The following MSI2 variants were observed in gnomAD, a reference collection of about 807,000 sequenced individuals.
MSI2 encodes the protein musashi RNA binding protein 2.
A neutral mutation model predicts 45.6 loss-of-function variants in MSI2; 17 were observed. The observed-to-expected ratio is 0.37, with a 90% confidence interval of 0.26 to 0.56. MSI2 has a LOEUF of 0.56. Among genes scored for constraint, MSI2 ranks in the 20% least tolerant of loss-of-function variants. The pLI, the probability that MSI2 is intolerant of heterozygous loss-of-function variation, is 0.77. For synonymous variants in MSI2, 156 were observed against 158.2 expected (o/e 0.99, Z 0.11); for missense variants, 293 against 444.2 (o/e 0.66, Z 3.06).
chr17:57,592,995 C>G (rs1904971942), intron 7 of MSI2, among the ~76,000 whole-genome samples: 1 of 152,140 alleles, frequency 6.6e-6, no homozygotes, highest in Non-Finnish European at 1.5e-5. Flanking sequence ...TTTACTCTGG[C>G]CTGTATTCTA....
At chr17:57,566,110 T>C (rs2087725340) in intron 7 of MSI2, 1 of 152,132 alleles carries the variant, frequency 6.6e-6, no homozygotes, top group South Asian at 2.1e-4. Context: ...TTGGGTTTTC[T>C]CCTCATTTGG....
chr17:57,472,337 G>A (rs938012862), intron 6 of MSI2, among the ~76,000 whole-genome samples: 1 of 152,180 alleles, frequency 6.6e-6, no homozygotes, highest in Non-Finnish European at 1.5e-5. Context: ...GAGCTCAGGG[G>A]CTGTGGCCCT....
At position 57,646,993 on chromosome 17, in the gene MSI2, TAGGGTCATGCCTGA is replaced by T. The variant is rs898325861; in HGVS notation, c.728-5105_728-5092del. Among the ~76,000 whole-genome samples the T allele has an allele frequency of 1.3e-3, 199 of 152,302 alleles. 1 individual carries two copies. The highest frequency in any genetic ancestry group is 4.5e-3 in the African/African-American group (186 of 41,564). On this transcript the variant is annotated intron_variant, in intron 10 of 13. Coordinates refer to ENST00000284073, the MANE Select transcript of MSI2 (RefSeq NM_138962.4). The stretch of plus-strand genomic sequence containing the variant: ...TAACATATGATAGGTATTAAGCCAC[TAGGGTCATGCCTGA>T]CCCCTTGGCCCACTTGTCATTGTTA...
the MSI2 span, among the ~76,000 whole-genome samples, chr17:57,700,167 A>G: frequency 6.6e-6 from 1 of 152,176 alleles, no homozygotes; most frequent in Non-Finnish European, 1.5e-5. Context: ...CTTCATTCCC[A>G]GATGTGCCTG....
At chr17:57,297,717 C>T (rs1309919821) in intron 5 of MSI2, among the ~76,000 whole-genome samples, 1 of 151,960 alleles carries the variant, frequency 6.6e-6, no homozygotes, top group Non-Finnish European at 1.5e-5. Context: ...GCAGTCAGTC[C>T]TCTCAAACCC....
intron 4 of MSI2, among the ~76,000 whole-genome samples, chr17:57,261,050 C>T (rs1290333754): frequency 6.6e-6 from 1 of 152,218 alleles, no homozygotes; most frequent in Non-Finnish European, 1.5e-5. Context: ...ATCTGTGTTA[C>T]ATTTTTACCC....
At chr17:57,507,858 C>G (rs2086271290) in intron 6 of MSI2, among the ~76,000 whole-genome samples, 1 of 152,166 alleles carries the variant, frequency 6.6e-6, no homozygotes, top group South Asian at 2.1e-4. Flanking sequence ...ATTGCCCAGA[C>G]TGGTGTCGAT....
At chr17:57,615,440 C>T (rs567502165) in intron 8 of MSI2, among the ~76,000 whole-genome samples, 2 of 152,302 alleles carry the variant, frequency 1.3e-5, no homozygotes, top group South Asian at 4.1e-4. Flanking sequence ...CAACACAAAA[C>T]TTCTGATGCT....
At chr17:57,528,135 A>G (rs554830266) in intron 6 of MSI2, among the ~76,000 whole-genome samples, 3 of 149,848 alleles carry the variant, frequency 2.0e-5, no homozygotes, top group Non-Finnish European at 3.0e-5. Flanking sequence ...TTGTATTTTT[A>G]CCATCAACCT....
intron 5 of MSI2, among the ~76,000 whole-genome samples, chr17:57,292,857 C>T (rs756106362): frequency 2.6e-5 from 4 of 152,070 alleles, no homozygotes; most frequent in Admixed American, 6.5e-5. Flanking sequence ...GTACAGTGAC[C>T]CTCCAAGAGC....
At chr17:57,593,282 G>T (rs1904997730) in intron 7 of MSI2, among the ~76,000 whole-genome samples, 1 of 152,176 alleles carries the variant, frequency 6.6e-6, no homozygotes, top group African/African-American at 2.4e-5. Flanking sequence ...AGTTTTCTGT[G>T]GCTGCCGTAA....
Position 57,627,504 on chromosome 17 carries a change from G to A in MSI2, c.727+201G>A. The A allele has an allele frequency of 1.7e-6, 1 of 596,734 alleles. No homozygotes were observed. Among genetic ancestry groups the A allele is most frequent in the Non-Finnish European group, 3.0e-6 (1 of 333,870 alleles). The allele number at this position is 596,734 out of a possible 1,614,324, so 37.0% of individuals were successfully genotyped here. ...TTGATTAACTCAGGTATAACTCACTGGTGCCGGGTATTTGAGAACGGCAGC... is the reference window on the plus strand; with the variant it reads ...TTGATTAACTCAGGTATAACTCACTAGTGCCGGGTATTTGAGAACGGCAGC... On this transcript the variant is annotated intron_variant, in intron 10 of 13. Coordinates refer to ENST00000284073, the MANE Select transcript of MSI2 (RefSeq NM_138962.4). This position sits in a 1 kb window ranked among gnomAD's most constrained non-coding sequence, Gnocchi z 4.6.
intron 10 of MSI2, among the ~76,000 whole-genome samples, chr17:57,645,951 G>A (rs986227738): frequency 3.3e-5 from 5 of 152,196 alleles, no homozygotes; most frequent in African/African-American, 4.8e-5. Flanking sequence ...CTCCAGGGAC[G>A]TTGAATGTGC....
intron 6 of MSI2, among the ~76,000 whole-genome samples, chr17:57,519,443 G>A (rs2086538854): frequency 2.0e-5 from 3 of 152,078 alleles, no homozygotes; most frequent in South Asian, 2.1e-4. Flanking sequence ...GGGGAGACTC[G>A]CATGGCTGAG....
intron 6 of MSI2, among the ~76,000 whole-genome samples, chr17:57,507,662 C>G (rs973719037): frequency 6.6e-6 from 1 of 152,064 alleles, no homozygotes; most frequent in Admixed American, 6.5e-5. Context: ...CCCCCTGACC[C>G]CCGCCTCACC....
intron 11 of MSI2, among the ~76,000 whole-genome samples, chr17:57,662,433 A>G (rs1244748597): frequency 6.6e-6 from 1 of 152,228 alleles, no homozygotes; most frequent in South Asian, 2.1e-4. Flanking sequence ...TACCATGTCA[A>G]GCCCACCTGC....
At chr17:57,396,366 C>T (rs1489877220) in intron 5 of MSI2, among the ~76,000 whole-genome samples, 1 of 151,564 alleles carries the variant, frequency 6.6e-6, no homozygotes, top group Non-Finnish European at 1.5e-5. Context: ...CCTCCCCTTA[C>T]CCCACTCTGC....
At chr17:57,267,864 T>G (rs1321171725) in intron 5 of MSI2, 1 of 152,108 alleles carries the variant, frequency 6.6e-6, no homozygotes, top group Non-Finnish European at 1.5e-5. Context: ...TCTCAATTCT[T>G]CTAGTTTTTG....
intron 6 of MSI2, among the ~76,000 whole-genome samples, chr17:57,527,862 G>A (rs549635919): frequency 6.6e-6 from 1 of 152,274 alleles, no homozygotes; most frequent in African/African-American, 2.4e-5. Context: ...TTTGTCTGCA[G>A]GCACCATTTT....
Sources: allele counts gnomAD v4.1 joint callset (sites outside exome capture counted in the v4.1 genomes callset), GRCh38; gene constraint gnomAD v4.1.1; non-coding constraint Gnocchi (gnomAD v3.1); transcripts MANE v1.5; gene names NCBI Gene and HGNC (gene_info 2026-07-23, HGNC 2026-07-21).